The following CIMAP3 variants were observed in gnomAD, a reference collection of about 807,000 sequenced individuals.
The protein encoded by CIMAP3 is ciliary microtubule associated protein 3, also known as ciliary microtubule-associated protein 3.
At chr1:111,351,160 T>A in the CIMAP3 span, 1 of 866,194 alleles carries the variant, frequency 1.2e-6, no homozygotes, top group Non-Finnish European at 1.8e-6. Flanking sequence ...ACCTCTATAA[T>A]GTACAGTTTT....
the CIMAP3 span, chr1:111,347,167 C>A: frequency 1.7e-6 from 2 of 1,185,924 alleles, no homozygotes; most frequent in Non-Finnish European, 2.3e-6. Context: ...AGAGTCCCAG[C>A]ATAAGAAAGC....
At chr1:111,346,139 T>G in the CIMAP3 span, 2 of 152,386 alleles carry the variant, frequency 1.3e-5, no homozygotes. Context: ...ATGGGCAACC[T>G]GATTGGAGGG....
chr1:111,352,049 C>G, the CIMAP3 span: 1 of 152,148 alleles, frequency 6.6e-6, no homozygotes, highest in Non-Finnish European at 1.5e-5. Context: ...GGTCTGCCCT[C>G]CAATCTGAAT....
At chr1:111,350,054 T>C in the CIMAP3 span, 2 of 1,453,578 alleles carry the variant, frequency 1.4e-6, no homozygotes, top group Non-Finnish European at 1.9e-6. Flanking sequence ...CTGATGGAGT[T>C]TGTGTATGAT....
the CIMAP3 span, among the ~76,000 whole-genome samples, chr1:111,337,552 T>A: frequency 6.6e-6 from 1 of 152,076 alleles, no homozygotes; most frequent in Admixed American, 6.5e-5. Context: ...GCAATCCTAG[T>A]CTCTGATAAA....
chr1:111,337,760 C>A, the CIMAP3 span, among the ~76,000 whole-genome samples: 1 of 152,140 alleles, frequency 6.6e-6, no homozygotes, highest in Non-Finnish European at 1.5e-5. Context: ...GACTTTAACA[C>A]CCCACTGTCA....
the CIMAP3 span, chr1:111,324,736 T>C: frequency 1.0e-6 from 1 of 985,396 alleles, no homozygotes; most frequent in Non-Finnish European, 1.2e-6. Context: ...ACATGAGAGA[T>C]CCAGGCTTAC....
the CIMAP3 span, among the ~76,000 whole-genome samples, chr1:111,345,281 C>G: frequency 2.0e-5 from 3 of 152,114 alleles, no homozygotes; most frequent in Non-Finnish European, 4.4e-5. Flanking sequence ...TTTTCAGACC[C>G]TATCTTTATT....
chr1:111,348,921 T>C, the CIMAP3 span: 3 of 262,414 alleles, frequency 1.1e-5, no homozygotes, highest in East Asian at 2.8e-4. Flanking sequence ...GCTCCTGATT[T>C]CTTGGGGCTT....
chr1:111,351,702 T>A, the CIMAP3 span: 1 of 166,450 alleles, frequency 6.0e-6, no homozygotes, highest in Non-Finnish European at 1.3e-5. Flanking sequence ...GTCAAGGGTT[T>A]GGATGGGATT....
chr1:111,324,891 T>A, the CIMAP3 span: 3 of 983,096 alleles, frequency 3.1e-6, no homozygotes, highest in Admixed American at 6.1e-5. Context: ...TTGGTAATGG[T>A]AATCATGTTC....
chr1:111,328,186 A>G, the CIMAP3 span, among the ~76,000 whole-genome samples: 1 of 152,018 alleles, frequency 6.6e-6, no homozygotes, highest in African/African-American at 2.4e-5. Context: ...CTTGACTTCT[A>G]TTTTTATTGT....
the CIMAP3 span, chr1:111,350,107 C>T: frequency 6.2e-7 from 1 of 1,610,432 alleles, no homozygotes; most frequent in Non-Finnish European, 8.5e-7. Flanking sequence ...TATTTCTAGC[C>T]CTGGTGCATA....
the CIMAP3 span, among the ~76,000 whole-genome samples, chr1:111,339,385 T>C: frequency 6.7e-6 from 1 of 148,458 alleles, no homozygotes; most frequent in Non-Finnish European, 1.5e-5. Flanking sequence ...AAATAAAGGG[T>C]ATTCAATTAG....
the CIMAP3 span, among the ~76,000 whole-genome samples, chr1:111,326,417 G>A: frequency 6.6e-6 from 1 of 151,958 alleles, no homozygotes; most frequent in Admixed American, 6.6e-5. Context: ...CTGTGTCTGG[G>A]TTATTTCACT....
chr1:111,336,383 T>G, the CIMAP3 span, among the ~76,000 whole-genome samples: 4 of 151,998 alleles, frequency 2.6e-5, no homozygotes, highest in African/African-American at 7.3e-5. Flanking sequence ...GAAGAAGGCT[T>G]CAGACAATCA....
the CIMAP3 span, among the ~76,000 whole-genome samples, chr1:111,334,233 A>G: frequency 6.6e-6 from 1 of 152,236 alleles, no homozygotes; most frequent in Non-Finnish European, 1.5e-5. Flanking sequence ...GTTTAACGAT[A>G]TCAAAGATAT....
chr1:111,332,484 C>G, the CIMAP3 span, among the ~76,000 whole-genome samples: 1 of 152,280 alleles, frequency 6.6e-6, no homozygotes, highest in South Asian at 2.1e-4. Flanking sequence ...CTTGGCTGAC[C>G]TGGGGGCATT....
At chr1:111,347,608 GTTGTT>G in the CIMAP3 span, 1 of 1,029,500 alleles carries the variant, frequency 9.7e-7, no homozygotes, top group Non-Finnish European at 1.4e-6. Flanking sequence ...CTGACTATGC[GTTGTT>G]TTTTCTTTCT....
Sources: gnomAD v4.1 joint callset for allele counts (sites outside exome capture counted in the v4.1 genomes callset) on GRCh38, gnomAD v4.1.1 for gene constraint, MANE v1.5 for transcripts, NCBI Gene and HGNC (gene_info 2026-07-23, HGNC 2026-07-21) for gene names.